PREX1: variants seen among roughly 807,000 people sequenced by gnomAD.
The protein encoded by PREX1 is phosphatidylinositol 3,4,5-trisphosphate-dependent Rac exchanger 1 protein.
PREX1 carries 41 observed loss-of-function variants against 198.3 expected under a neutral mutation model. The observed-to-expected ratio is 0.21, with a 90% CI of 0.16 to 0.27. PREX1 has a LOEUF of 0.27. PREX1 is among the 10% of genes least tolerant of loss of function. PREX1 has a pLI of 1.00. For synonymous variants in PREX1, 843 were observed against 887.2 expected (o/e 0.95, Z 0.89); for missense variants, 1,620 against 2,200.7 (o/e 0.74, Z 5.28).
At chr20:48,774,691 CT>C (rs1050934073) in intron 1 of PREX1, among the ~76,000 whole-genome samples, 7 of 152,232 alleles carry the variant, frequency 4.6e-5, no homozygotes, top group Non-Finnish European at 1.0e-4. Context: ...TGAGAAGCTG[CT>C]TTGCCAGGGA....
chr20:48,857,537 A>T, the PREX1 span, among the ~76,000 whole-genome samples: 71 of 151,992 alleles, frequency 4.7e-4, no homozygotes, highest in Non-Finnish European at 5.9e-4. Flanking sequence ...ACAGTTTTTT[A>T]AAAAAACCAG....
At chr20:48,782,946 C>T (rs375261852) in intron 1 of PREX1, among the ~76,000 whole-genome samples, 7 of 152,126 alleles carry the variant, frequency 4.6e-5, no homozygotes, top group East Asian at 1.9e-4. Flanking sequence ...TAGGAGGTGA[C>T]GGGGCTACAG....
chr20:48,630,832 C>T (rs371056859), intron 35 of PREX1, 38 bp from the exon 36 acceptor site: 30 of 1,467,584 alleles, frequency 2.0e-5, no homozygotes, highest in Non-Finnish European at 2.8e-5. Flanking sequence ...GGGGCCACCA[C>T]ACCCACCATC....
At chr20:48,789,566 G>C (rs772131631) in intron 1 of PREX1, among the ~76,000 whole-genome samples, 2 of 152,210 alleles carry the variant, frequency 1.3e-5, no homozygotes, top group Non-Finnish European at 2.9e-5. Context: ...GCAGGGCCAG[G>C]CTATCAGCCA....
At chr20:48,685,002 C>G (rs2089775787) in intron 10 of PREX1, among the ~76,000 whole-genome samples, 1 of 152,254 alleles carries the variant, frequency 6.6e-6, no homozygotes, top group African/African-American at 2.4e-5. Context: ...GCCCACTCTT[C>G]TGAACCAGCC....
At chr20:48,664,831 TG>T in intron 15 of PREX1, among the ~76,000 whole-genome samples, 1 of 143,410 alleles carries the variant, frequency 7.0e-6, no homozygotes, top group Non-Finnish European at 1.5e-5. Context: ...CCAGACGGCC[TG>T]AATTCTAATC....
At chr20:48,811,689 C>T (rs1169271293) in intron 1 of PREX1, among the ~76,000 whole-genome samples, 2 of 151,828 alleles carry the variant, frequency 1.3e-5, no homozygotes, top group Non-Finnish European at 2.9e-5. Context: ...TACACACACA[C>T]ACGTGTGCAT....
intron 15 of PREX1, among the ~76,000 whole-genome samples, chr20:48,662,776 G>A (rs1299176147): frequency 6.6e-6 from 1 of 152,174 alleles, no homozygotes; most frequent in Non-Finnish European, 1.5e-5. Context: ...CTATTTTTGA[G>A]TTCGTGGCAG....
chr20:48,819,147 T>A (rs1396234721), intron 1 of PREX1, among the ~76,000 whole-genome samples: 2 of 152,110 alleles, frequency 1.3e-5, no homozygotes, highest in African/African-American at 2.4e-5. Context: ...CCATGCCATA[T>A]CCAACTGAAA....
chr20:48,640,331 G>C (rs1202590028), intron 29 of PREX1, among the ~76,000 whole-genome samples: 1 of 152,248 alleles, frequency 6.6e-6, no homozygotes, highest in Non-Finnish European at 1.5e-5. Context: ...GAGTGGGAAA[G>C]TGACATGCCT....
chr20:48,668,847 G>A (rs1364179681), intron 14 of PREX1, among the ~76,000 whole-genome samples: 1 of 152,196 alleles, frequency 6.6e-6, no homozygotes, highest in East Asian at 1.9e-4. Context: ...AGGCCAGCAG[G>A]GCCCAATGGC....
At chr20:48,647,519 CAAAAAA>C (rs765244255) in intron 25 of PREX1, among the ~76,000 whole-genome samples, 7 of 49,630 alleles carry the variant, frequency 1.4e-4, no homozygotes, top group African/African-American at 4.4e-4. Flanking sequence ...GACAACATCT[CAAAAAA>C]AAAAAAAAAA....
intron 29 of PREX1, among the ~76,000 whole-genome samples, chr20:48,641,848 A>G (rs1216852399): frequency 1.2e-4 from 2 of 17,080 alleles, no homozygotes; most frequent in African/African-American, 4.2e-4. Flanking sequence ...GAGAGGAAGG[A>G]AGGAAGGAAG....
At chr20:48,869,834 G>A in the PREX1 span, among the ~76,000 whole-genome samples, 23 of 152,024 alleles carry the variant, frequency 1.5e-4, no homozygotes, top group Admixed American at 3.3e-4. Context: ...CACATACCAG[G>A]GCCTTTTGGG....
In PREX1 at chr20:48,827,980, C is replaced by G. The variant is rs1568657093; in HGVS notation, c.-120G>C. 1 of 262,664 alleles carries G rather than the reference C, an allele frequency of 3.8e-6. No individual in the cohort carries two copies. Among genetic ancestry groups the G allele is most frequent in the Non-Finnish European group, 5.8e-6 (1 of 172,632 alleles). The allele number at this position is 262,664 out of a possible 1,614,324, so 16.3% of individuals were successfully genotyped here. ...CCGGGCTCAGCGGCGGGCCGGGCTC[C>G]CGGCGCGGCGGGCGGGACTGGGGGC... On this transcript the variant is annotated 5_prime_UTR_variant, in exon 1 of 40. Transcript: ENST00000371941. The surrounding 1 kb of genome is among the most constrained non-coding windows in gnomAD (Gnocchi z 4.1).
rs527764880 is a variant in PREX1 at position 48,673,915 on chromosome 20, C to T, written c.1665+2278G>A. 2.2e-3 allele frequency among the ~76,000 whole-genome samples: 334 copies of T among 152,324 alleles called. 1 individual carries two copies. In the South Asian group the frequency reaches 0.032, roughly 14 times the overall value. ...TATCTCATCAAAACCTCAAAACAAT[C>T]TAAAGGAGAAGGTATTGGTTTTAGC... On this transcript the variant is annotated intron_variant, in intron 14 of 39. Coordinates refer to ENST00000371941, the MANE Select transcript of PREX1 (RefSeq NM_020820.4).
chr20:48,652,992 T>C, intron 20 of PREX1, among the ~76,000 whole-genome samples: 1 of 151,996 alleles, frequency 6.6e-6, no homozygotes, highest in East Asian at 1.9e-4. Flanking sequence ...AGTGAACCAG[T>C]GAATCAATCA....
the PREX1 span, among the ~76,000 whole-genome samples, chr20:48,842,833 A>C: frequency 3.3e-5 from 5 of 152,154 alleles, no homozygotes; most frequent in Admixed American, 1.3e-4. Context: ...AATGGGGATG[A>C]TAATGATGAT....
intron 28 of PREX1, 30 bp downstream of exon 28, chr20:48,642,377 G>A (rs1263837462): frequency 6.2e-7 from 1 of 1,608,558 alleles, no homozygotes; most frequent in Non-Finnish European, 8.5e-7. Context: ...GGAACCCAAA[G>A]TTGCGCCAGG....
Sources: allele counts gnomAD v4.1 joint callset (sites outside exome capture counted in the v4.1 genomes callset), GRCh38; gene constraint gnomAD v4.1.1; non-coding constraint Gnocchi (gnomAD v3.1); transcripts MANE v1.5; gene names NCBI Gene and HGNC (gene_info 2026-07-23, HGNC 2026-07-21).